Variants in ZFAND2A observed in about 807,000 individuals in gnomAD.
The protein encoded by ZFAND2A is zinc finger AN1-type containing 2A.
A neutral mutation model predicts 11.6 loss-of-function variants in ZFAND2A; 20 were observed. The observed-to-expected ratio is 1.72, with a 90% CI of 1.21 to 2.50. The LOEUF is 2.50. Ranked by LOEUF, ZFAND2A falls within the 30% of genes most tolerant of loss-of-function variation. The probability of loss-of-function intolerance (pLI) is 0.00; values close to 1 mark genes in which losing one functional copy is unlikely to be tolerated. For synonymous variants in ZFAND2A, 93 were observed against 60.6 expected, an observed-to-expected ratio of 1.54 and a Z score of -2.48; for missense variants, 234 against 182.9, an observed-to-expected ratio of 1.28 and a Z score of -1.61.
downstream of ZFAND2A, chr7:1,152,891 A>G: frequency 1.0e-6 from 1 of 970,438 alleles, no homozygotes; most frequent in Admixed American, 2.0e-5. Context: ...GCAGTGGGCA[A>G]TGAGAACAAC....
In ZFAND2A at chr7:1,156,641, C is replaced by T. The variant is rs115288583; in HGVS notation, c.150+1015G>A. ...GCCCAGCATGGCTAAAAACCTGAGC[C>T]AGGGCAGGAATTGATGGAAAGGTCA... is the stretch of plus-strand genomic sequence containing the variant. On this transcript the variant is annotated intron_variant, in intron 3 of 4. Transcript: ENST00000316495. Among the ~76,000 whole-genome samples the T allele has an allele frequency of 3.9e-3, 596 of 152,194 alleles. 4 individuals are homozygous for T. Among genetic ancestry groups the T allele is most frequent in the African/African-American group, 0.014 (574 of 41,518 alleles).
chr7:1,158,243 G>A lies in ZFAND2A; in HGVS notation c.-31C>T, dbSNP rs371078544. On this transcript the variant is annotated 5_prime_UTR_variant, in exon 2 of 5. Transcript: ENST00000316495. Reference sequence around the variant, plus strand: ...GAACAGTGCTCAAAACGCAGATGGCGGAGTTAAGTGTCACCTACAAGAGAA... The same window carrying A: ...GAACAGTGCTCAAAACGCAGATGGCAGAGTTAAGTGTCACCTACAAGAGAA... The A allele has an allele frequency of 1.1e-5, 18 of 1,605,498 alleles. No individual in the cohort carries two copies. Among genetic ancestry groups the A allele is most frequent in the East Asian group, 8.9e-5 (4 of 44,808 alleles).
At chr7:1,150,590 C>T (rs570315372), downstream of ZFAND2A, among the ~76,000 whole-genome samples, 1 of 152,264 alleles carries the variant, frequency 6.6e-6, no homozygotes, top group South Asian at 2.1e-4. Flanking sequence ...TGTCAGGCCA[C>T]GAAGGCCGCA....
chr7:1,153,307 G>T, intron 4 of ZFAND2A, 83 bp from the exon 5 acceptor site: 1 of 1,494,020 alleles, frequency 6.7e-7, no homozygotes, highest in South Asian at 1.3e-5. Flanking sequence ...GAGTGCAGTG[G>T]CTTGATCTTG....
At chr7:1,152,420 G>C (rs1386206095), downstream of ZFAND2A, 11 of 1,445,472 alleles carry the variant, frequency 7.6e-6, no homozygotes, top group Admixed American at 2.6e-4. Flanking sequence ...CTGCAGGTAA[G>C]CAACTACCAC....
chr7:1,159,774 C>T lies in ZFAND2A; in HGVS notation c.-46+190G>A, dbSNP rs6463496. Among the ~76,000 whole-genome samples the T allele has an allele frequency of 7.2e-3, 722 of 99,770 alleles. 53 individuals carry two copies. The highest frequency in any genetic ancestry group is 0.028 in the African/African-American group (654 of 23,642). The allele number at this position is 99,770 out of a possible 152,430, so 65.5% of individuals were successfully genotyped here. On this transcript the variant is annotated intron_variant, in intron 1 of 4. Coordinates refer to ENST00000316495, the MANE Select transcript of ZFAND2A (RefSeq NM_182491.4). Reference sequence around the variant, plus strand: ...CCGGTCCCCAGCAGACAGGCCGGACCCCCAGCAGCCAGACCCCGGCAGGCC... The same window carrying T: ...CCGGTCCCCAGCAGACAGGCCGGACTCCCAGCAGCCAGACCCCGGCAGGCC...
downstream of ZFAND2A, chr7:1,152,788 G>C: frequency 5.5e-6 from 3 of 546,954 alleles, no homozygotes; most frequent in South Asian, 3.9e-5. Flanking sequence ...TGGCCCTGCC[G>C]ACATCCTGCG....
intron 3 of ZFAND2A, among the ~76,000 whole-genome samples, chr7:1,156,692 C>CA (rs1436199662): frequency 6.6e-6 from 1 of 152,244 alleles, no homozygotes; most frequent in African/African-American, 2.4e-5. Context: ...TGGCAACCGA[C>CA]ATGGAACGGG....
At chr7:1,155,838 G>A (rs963364658) in intron 3 of ZFAND2A, among the ~76,000 whole-genome samples, 2 of 152,224 alleles carry the variant, frequency 1.3e-5, no homozygotes, top group Non-Finnish European at 2.9e-5. Flanking sequence ...GAAACCAGCT[G>A]GGGCCATCTC....
chr7:1,159,141 C>T (rs1793610428), intron 1 of ZFAND2A, among the ~76,000 whole-genome samples: 1 of 152,340 alleles, frequency 6.6e-6, no homozygotes, highest in African/African-American at 2.4e-5. Flanking sequence ...AGTCCTTTCC[C>T]AGCCCTCCTT....
chr7:1,156,784 G>T (rs370623039), intron 3 of ZFAND2A, among the ~76,000 whole-genome samples: 1 of 152,232 alleles, frequency 6.6e-6, no homozygotes, highest in African/African-American at 2.4e-5. Context: ...TTCCTCATTT[G>T]GTCAAATGAA....
At chr7:1,157,277 T>C (rs1376200282) in intron 3 of ZFAND2A, 1 of 158,606 alleles carries the variant, frequency 6.3e-6, no homozygotes. Flanking sequence ...CCAAGTCAAA[T>C]ATTAAAATCT....
At chr7:1,150,973 C>T (rs1262344947), downstream of ZFAND2A, among the ~76,000 whole-genome samples, 2 of 151,488 alleles carry the variant, frequency 1.3e-5, no homozygotes, top group African/African-American at 2.4e-5. Context: ...CTGCAACCTC[C>T]GCCTCCCAGG....
chr7:1,158,295 C>T, intron 1 of ZFAND2A, 38 bp from the exon 2 acceptor site: 3 of 1,301,304 alleles, frequency 2.3e-6, no homozygotes, highest in Non-Finnish European at 3.3e-6. Flanking sequence ...GAAAGCTGGA[C>T]TGCCCTTCAG....
downstream of ZFAND2A, among the ~76,000 whole-genome samples, chr7:1,151,776 C>CAAAAAAAAAAA (rs1563158643): frequency 9.3e-4 from 49 of 52,616 alleles, no homozygotes; most frequent in African/African-American, 2.8e-3. Flanking sequence ...AAAAAAAAAG[C>CAAAAAAAAAAA]AAAGCCAGCC....
intron 4 of ZFAND2A, among the ~76,000 whole-genome samples, 169 bp downstream of exon 4, chr7:1,155,284 G>A (rs928659145): frequency 4.6e-5 from 7 of 152,104 alleles, no homozygotes; most frequent in African/African-American, 1.7e-4. Flanking sequence ...TTATAAAACT[G>A]AAAACTCAGG....
At chr7:1,159,819 C>T in intron 1 of ZFAND2A, 145 bp downstream of exon 1, 1 of 179,250 alleles carries the variant, frequency 5.6e-6, no homozygotes, top group Non-Finnish European at 1.2e-5. Context: ...GCAGACAGGC[C>T]GGACCCCCAG....
chr7:1,152,313 G>C (rs1354769914), downstream of ZFAND2A: 2 of 1,581,294 alleles, frequency 1.3e-6, no homozygotes, highest in East Asian at 4.6e-5. Context: ...TCTCCCAACG[G>C]CCTGGATTCA....
chr7:1,159,071 G>A (rs1018521136), intron 1 of ZFAND2A, among the ~76,000 whole-genome samples: 2 of 152,074 alleles, frequency 1.3e-5, no homozygotes, highest in African/African-American at 4.8e-5. Context: ...TCAGTTTAAA[G>A]CCATTCCCAC....
Sources: allele counts gnomAD v4.1 joint callset (sites outside exome capture counted in the v4.1 genomes callset), GRCh38; gene constraint gnomAD v4.1.1; transcripts MANE v1.5; gene names NCBI Gene and HGNC (gene_info 2026-07-23, HGNC 2026-07-21).